RAP1GDS1: variants seen among roughly 807,000 people sequenced by gnomAD.
RAP1GDS1 encodes the protein Rap1 GTPase-GDP dissociation stimulator 1.
Under a neutral mutation model 71.1 loss-of-function variants are expected in RAP1GDS1, and 35 were observed. The ratio of observed to expected loss-of-function variants is 0.49; its 90% CI spans 0.38 to 0.65. RAP1GDS1 has a LOEUF of 0.65. Ranked by LOEUF, RAP1GDS1 falls within the 30% of genes least tolerant of loss-of-function variation. The pLI, the probability that RAP1GDS1 is intolerant of heterozygous loss-of-function variation, is 0.00. For missense variants in RAP1GDS1, 663 were observed against 706.1 expected (o/e 0.94, Z 0.69); for synonymous variants, 229 against 243.1 (o/e 0.94, Z 0.54).
chr4:98,398,094 A>G (rs996868687), intron 6 of RAP1GDS1, among the ~76,000 whole-genome samples: 3 of 152,122 alleles, frequency 2.0e-5, no homozygotes, highest in Non-Finnish European at 2.9e-5. Flanking sequence ...GGTGAGGGCA[A>G]TCTCTAACAT....
At chr4:98,284,412 T>C (rs1350967421) in intron 1 of RAP1GDS1, among the ~76,000 whole-genome samples, 5 of 152,142 alleles carry the variant, frequency 3.3e-5, no homozygotes, top group Non-Finnish European at 7.4e-5. Flanking sequence ...GCTAAAAATA[T>C]AATCGTTTTT....
intron 2 of RAP1GDS1, among the ~76,000 whole-genome samples, chr4:98,323,862 C>G (rs1442165018): frequency 2.1e-5 from 3 of 145,708 alleles, no homozygotes; most frequent in African/African-American, 7.6e-5. Flanking sequence ...AAAACTGGCA[C>G]AAGACAGGGA....
At chr4:98,362,191 ATG>A (rs1738838610) in intron 4 of RAP1GDS1, among the ~76,000 whole-genome samples, 1 of 152,206 alleles carries the variant, frequency 6.6e-6, no homozygotes, top group Non-Finnish European at 1.5e-5. Flanking sequence ...TTGAAAAACA[ATG>A]TAGGGTCTGC....
intron 7 of RAP1GDS1, among the ~76,000 whole-genome samples, chr4:98,416,399 T>G (rs960476313): frequency 5.4e-4 from 69 of 128,434 alleles, no homozygotes; most frequent in Admixed American, 1.3e-3. Flanking sequence ...CAGGCTGGAG[T>G]GCAGTGTTGC....
At chr4:98,418,231 T>A (rs1214394357) in intron 9 of RAP1GDS1, among the ~76,000 whole-genome samples, 1 of 152,162 alleles carries the variant, frequency 6.6e-6, no homozygotes, top group Non-Finnish European at 1.5e-5. Context: ...GGGTAAATAG[T>A]GGTTCATTAT....
intron 5 of RAP1GDS1, among the ~76,000 whole-genome samples, chr4:98,390,842 A>G (rs764887542): frequency 2.0e-4 from 30 of 152,166 alleles, no homozygotes; most frequent in Non-Finnish European, 3.8e-4. Flanking sequence ...GCAAAGAGAA[A>G]TAAAAGAATT....
At chr4:98,275,320 C>G (rs983643172) in intron 1 of RAP1GDS1, among the ~76,000 whole-genome samples, 1 of 152,200 alleles carries the variant, frequency 6.6e-6, no homozygotes. Context: ...AAGCACTTGA[C>G]AAGTCATAAC....
At chr4:98,335,403 TTATC>T (rs1315639691) in intron 2 of RAP1GDS1, among the ~76,000 whole-genome samples, 1 of 152,198 alleles carries the variant, frequency 6.6e-6, no homozygotes, top group Non-Finnish European at 1.5e-5. Context: ...ATAGTTTTTG[TTATC>T]AGGGATTTAT....
intron 2 of RAP1GDS1, among the ~76,000 whole-genome samples, chr4:98,305,502 G>T (rs766368920): frequency 3.3e-5 from 5 of 152,154 alleles, no homozygotes; most frequent in Non-Finnish European, 5.9e-5. Flanking sequence ...AGAACAGTGT[G>T]TATCCAAATA....
intron 3 of RAP1GDS1, among the ~76,000 whole-genome samples, chr4:98,344,983 C>T (rs1736013154): frequency 6.6e-6 from 1 of 152,276 alleles, no homozygotes; most frequent in East Asian, 1.9e-4. Context: ...GCCACCATGC[C>T]TGGCTAATTT....
intron 1 of RAP1GDS1, among the ~76,000 whole-genome samples, chr4:98,269,254 A>AG (rs1370681571): frequency 6.6e-6 from 1 of 151,934 alleles, no homozygotes; most frequent in Non-Finnish European, 1.5e-5. Flanking sequence ...TGTTAAAACT[A>AG]GATACCCACA....
intron 1 of RAP1GDS1, among the ~76,000 whole-genome samples, chr4:98,261,817 C>T (rs576480946): frequency 6.6e-6 from 1 of 152,198 alleles, no homozygotes; most frequent in African/African-American, 2.4e-5. Flanking sequence ...TCCCCGGCAC[C>T]TCGCAGCCTC....
chr4:98,395,458 T>G (rs1744394777), intron 6 of RAP1GDS1, among the ~76,000 whole-genome samples: 1 of 152,206 alleles, frequency 6.6e-6, no homozygotes, highest in Non-Finnish European at 1.5e-5. Flanking sequence ...CTGTGCTTTC[T>G]CACTAAGCAG....
At chr4:98,407,059 C>T (rs1264725121) in intron 7 of RAP1GDS1, among the ~76,000 whole-genome samples, 1 of 152,078 alleles carries the variant, frequency 6.6e-6, no homozygotes, top group African/African-American at 2.4e-5. Flanking sequence ...GCCCAGTATT[C>T]ATCTCAGGAA....
rs115416354 is a variant in RAP1GDS1 at position 98,373,132 on chromosome 4, A to G, written c.362-5885A>G. Among the ~76,000 whole-genome samples the G allele has an allele frequency of 2.9e-3, 439 of 152,332 alleles. 1 individual carries two copies. The highest frequency in any genetic ancestry group is 1.0e-2 in the African/African-American group (415 of 41,582). On this transcript the variant is annotated intron_variant, in intron 4 of 14. Coordinates refer to ENST00000408927, the MANE Select transcript of RAP1GDS1 (RefSeq NM_001100427.2). ...TACCTCTAACTGAAAAACTTTTACT[A>G]ACATTTTTTGCATAACAGGTTTATT...
chr4:98,398,270 G>A (rs945495494), intron 6 of RAP1GDS1, among the ~76,000 whole-genome samples: 10 of 151,754 alleles, frequency 6.6e-5, no homozygotes, highest in African/African-American at 2.2e-4. Context: ...AATATAAGAA[G>A]ATCAGACCAA....
At chr4:98,320,402 T>C (rs1731643158) in intron 2 of RAP1GDS1, among the ~76,000 whole-genome samples, 1 of 152,176 alleles carries the variant, frequency 6.6e-6, no homozygotes, top group Non-Finnish European at 1.5e-5. Context: ...CCCCGTTACG[T>C]GATTCTCTTT....
intron 7 of RAP1GDS1, among the ~76,000 whole-genome samples, chr4:98,414,802 T>C (rs1232666906): frequency 2.0e-5 from 3 of 152,134 alleles, no homozygotes; most frequent in Non-Finnish European, 4.4e-5. Context: ...TAAATTACCT[T>C]GGGTAGTATG....
intron 4 of RAP1GDS1, among the ~76,000 whole-genome samples, chr4:98,361,107 A>G (rs977097510): frequency 6.6e-6 from 1 of 151,070 alleles, no homozygotes; most frequent in African/African-American, 2.4e-5. Flanking sequence ...TGAATAATTT[A>G]CATTTTTCCT....
Sources: allele counts gnomAD v4.1 joint callset (sites outside exome capture counted in the v4.1 genomes callset), GRCh38; gene constraint gnomAD v4.1.1; transcripts MANE v1.5; gene names NCBI Gene and HGNC (gene_info 2026-07-23, HGNC 2026-07-21).